The following PREX2 variants were observed in gnomAD, a reference collection of about 807,000 sequenced individuals.
PREX2 encodes the protein phosphatidylinositol 3,4,5-trisphosphate-dependent Rac exchanger 2 protein.
A neutral mutation model predicts 203.2 loss-of-function variants in PREX2; 107 were observed. That is an observed-to-expected ratio of 0.53 (90% CI 0.45 to 0.62). PREX2 has a LOEUF of 0.62. PREX2 is among the 20% of genes least tolerant of loss of function. The pLI, the probability that PREX2 is intolerant of heterozygous loss-of-function variation, is 0.00. For synonymous variants in PREX2, 672 were observed against 663.6 expected, an observed-to-expected ratio of 1.01 and a Z score of -0.19; for missense variants, 1,777 against 1,955.9, an observed-to-expected ratio of 0.91 and a Z score of 1.72.
At chr8:67,957,343 C>T (rs549781738) in intron 1 of PREX2, among the ~76,000 whole-genome samples, 1 of 152,168 alleles carries the variant, frequency 6.6e-6, no homozygotes, top group East Asian at 1.9e-4. Flanking sequence ...TAAACAATTG[C>T]ATCCTCACTC....
At chr8:67,992,994 C>T (rs1179994001) in intron 1 of PREX2, among the ~76,000 whole-genome samples, 2 of 152,150 alleles carry the variant, frequency 1.3e-5, no homozygotes, top group Non-Finnish European at 2.9e-5. Flanking sequence ...TTGAAGATTA[C>T]AAACTGCTTA....
chr8:67,953,977 C>G (rs1000205329), intron 1 of PREX2, among the ~76,000 whole-genome samples: 4 of 152,142 alleles, frequency 2.6e-5, no homozygotes, highest in African/African-American at 9.7e-5. Flanking sequence ...TACATAATTA[C>G]TCTTTCTGAA....
In PREX2 at chr8:68,192,495, A is replaced by G. The variant is rs780668973; in HGVS notation, c.4574A>G (p.His1525Arg). The change falls in exon 37 of 40, where the codon CAC becomes CGC. Residue 1525 changes from histidine (H) to arginine (R), a missense_variant. By Grantham distance (29) the His-to-Arg change is conservative. Transcript: ENST00000288368. ...SELCNRLGAC[H>R]IIMCSSGVHR... ...CTGTGCAACAGGCTGGGCGCCTGCC[A>G]CATCATCATGTGCAGCAGCGGTGTG... is the stretch of plus-strand genomic sequence containing the variant. 1.2e-6 allele frequency: 2 copies of G among 1,613,316 alleles called. No homozygotes were observed. Among genetic ancestry groups the G allele is most frequent in the Non-Finnish European group, 1.7e-6 (2 of 1,179,908 alleles).
intron 1 of PREX2, among the ~76,000 whole-genome samples, chr8:68,012,508 A>G (rs965799623): frequency 2.6e-5 from 4 of 152,238 alleles, no homozygotes; most frequent in Non-Finnish European, 4.4e-5. Flanking sequence ...CTGAGGATTT[A>G]GACATGCTGT....
At chr8:67,984,618 A>G (rs1316022590) in intron 1 of PREX2, among the ~76,000 whole-genome samples, 1 of 152,228 alleles carries the variant, frequency 6.6e-6, no homozygotes, top group Non-Finnish European at 1.5e-5. Context: ...AATGCAAGCC[A>G]GGACTTGTGG....
chr8:68,092,432 A>G (rs920605142), intron 20 of PREX2, among the ~76,000 whole-genome samples: 1 of 152,236 alleles, frequency 6.6e-6, no homozygotes, highest in Non-Finnish European at 1.5e-5. Flanking sequence ...TCATACTTCA[A>G]TAATGCAGTT....
intron 37 of PREX2, among the ~76,000 whole-genome samples, chr8:68,214,428 A>G (rs1812796006): frequency 6.6e-6 from 1 of 152,150 alleles, no homozygotes; most frequent in South Asian, 2.1e-4. Flanking sequence ...CTATTGAATG[A>G]GGGTTCCTGG....
chr8:67,966,539 A>T (rs1805783601), intron 1 of PREX2, among the ~76,000 whole-genome samples: 1 of 152,100 alleles, frequency 6.6e-6, no homozygotes, highest in African/African-American at 2.4e-5. Context: ...AAGTGGGAGC[A>T]TCTTTTAAGC....
At chr8:68,224,729 G>A (rs1312296707) in intron 39 of PREX2, 103 bp downstream of exon 39, 7 of 780,138 alleles carry the variant, frequency 9.0e-6, no homozygotes, top group East Asian at 2.6e-5. Context: ...GCCCCGTGTC[G>A]TACTGATTGT....
chr8:68,049,117 C>CT (rs3056658), intron 8 of PREX2, among the ~76,000 whole-genome samples: 28,962 of 116,002 alleles, frequency 0.25, 3,937 homozygotes, highest in Non-Finnish European at 0.34. Flanking sequence ...CAATTAGAAT[C>CT]TTTTTTTTTT....
chr8:68,167,647 TGTGC>T (rs77232180), intron 35 of PREX2, among the ~76,000 whole-genome samples: 95 of 152,300 alleles, frequency 6.2e-4, no homozygotes, highest in Admixed American at 1.2e-3. Context: ...TTTCTAATCA[TGTGC>T]TGTACTTGCC....
intron 37 of PREX2, among the ~76,000 whole-genome samples, chr8:68,194,628 TAAA>T (rs58657916): frequency 5.7e-5 from 8 of 139,384 alleles, no homozygotes; most frequent in Non-Finnish European, 4.7e-5. Flanking sequence ...TCATCTCTAC[TAAA>T]AAAAAAAAAA....
intron 16 of PREX2, 33 bp downstream of exon 16, chr8:68,080,618 T>G (rs376134423): frequency 1.9e-6 from 3 of 1,548,176 alleles, no homozygotes; most frequent in Non-Finnish European, 2.6e-6. Flanking sequence ...TAAGTTTTCT[T>G]CTTGATTAGA....
intron 1 of PREX2, among the ~76,000 whole-genome samples, chr8:68,012,401 G>A (rs905612040): frequency 3.9e-5 from 6 of 151,994 alleles, no homozygotes; most frequent in Admixed American, 1.3e-4. Context: ...TCTTTTGTTG[G>A]GAAATTAGGC....
At chr8:68,120,144 C>G (rs867618253) in intron 28 of PREX2, 52 bp from the exon 29 acceptor site, 4 of 1,118,934 alleles carry the variant, frequency 3.6e-6, no homozygotes, top group Non-Finnish European at 4.0e-6. Flanking sequence ...TTTAGAAATA[C>G]GTATCATGTA....
At chr8:68,046,655 G>A (rs569204006) in intron 8 of PREX2, among the ~76,000 whole-genome samples, 27 of 152,154 alleles carry the variant, frequency 1.8e-4, no homozygotes, top group African/African-American at 1.9e-4. Flanking sequence ...ACACAAATTC[G>A]CAGGCTTGAT....
At chr8:68,148,279 A>G (rs549869721) in intron 34 of PREX2, among the ~76,000 whole-genome samples, 6 of 152,304 alleles carry the variant, frequency 3.9e-5, no homozygotes, top group African/African-American at 1.4e-4. Context: ...TAGCCACTAC[A>G]GGGATAGATA....
At position 68,138,487 on chromosome 8, in the gene PREX2, A is replaced by G. The variant is rs1483749990; in HGVS notation, c.4057A>G (p.Lys1353Glu). 5 of 1,602,276 alleles carry G rather than the reference A, an allele frequency of 3.1e-6. No homozygotes were observed. Among genetic ancestry groups the G allele is most frequent in the Admixed American group, 3.4e-5 (2 of 59,278 alleles). Residue 1353 changes from lysine (K) to glutamate (E), a missense_variant, in exon 33 of 40, where the codon AAA becomes GAA. Transcript: ENST00000288368. ...FDLEKVSFYFKPSEEEPLVAN... is the reference protein window; with the variant it reads ...FDLEKVSFYFEPSEEEPLVAN... ...TTTGGAAAAGGTTTCCTTTTACTTT[A>G]AACCATCAGAAGAGGAACCTCTGGT...
At chr8:68,047,048 T>G (rs1430544071) in intron 8 of PREX2, among the ~76,000 whole-genome samples, 1 of 151,794 alleles carries the variant, frequency 6.6e-6, no homozygotes, top group Non-Finnish European at 1.5e-5. Flanking sequence ...GGAGCTAGAG[T>G]TAAGTTTGCT....
Sources: gnomAD v4.1 joint callset for allele counts (sites outside exome capture counted in the v4.1 genomes callset) on GRCh38, gnomAD v4.1.1 for gene constraint, MANE v1.5 for transcripts, NCBI Gene and HGNC (gene_info 2026-07-23, HGNC 2026-07-21) for gene names.